CLDN12: variants seen among roughly 807,000 people sequenced by gnomAD.
The protein encoded by CLDN12 is claudin-12.
Under a neutral mutation model 15.5 loss-of-function variants are expected in CLDN12, and 9 were observed. The observed-to-expected ratio is 0.58, with a 90% confidence interval of 0.35 to 1.02. CLDN12 has a LOEUF of 1.02. CLDN12 is among the 50% of genes least tolerant of loss of function. CLDN12 has a pLI of 0.02. For synonymous variants in CLDN12, 140 were observed against 121.6 expected, an observed-to-expected ratio of 1.15 and a Z score of -1.00; for missense variants, 233 against 297.3, an observed-to-expected ratio of 0.78 and a Z score of 1.59.
At chr7:90,405,071 A>G (rs193280673) in intron 1 of CLDN12, among the ~76,000 whole-genome samples, 118 of 151,764 alleles carry the variant, frequency 7.8e-4, no homozygotes, top group African/African-American at 2.8e-3. Context: ...TATTATTATT[A>G]TTATTTTTTG....
chr7:90,412,487 A>T, intron 3 of CLDN12, 157 bp from the exon 4 acceptor site: 1 of 602,056 alleles, frequency 1.7e-6, no homozygotes, highest in East Asian at 2.8e-5. Context: ...ACCTGCATGT[A>T]TATACATTTG....
rs755709686 is a variant in CLDN12, at chr7:90,413,174, G to A, written c.498G>A (p.Glu166=). 7.4e-6 allele frequency: 12 copies of A among 1,614,206 alleles called. No homozygotes were observed. The highest frequency in any genetic ancestry group is 1.1e-5 in the South Asian group (1 of 91,076). Residue 166 remains glutamate, a synonymous_variant, in exon 4 of 4, where the codon GAG becomes GAA. Coordinates refer to ENST00000496677, the MANE Select transcript of CLDN12 (RefSeq NM_001185072.3). ...ACATCCATCTGAACAAGAAGTTTGA[G>A]CCAGTCTTTTCATTTGACTATGCAG... is the stretch of plus-strand genomic sequence containing the variant. ...FYNIHLNKKF[E]PVFSFDYAVY...
At chr7:90,406,574 C>T (rs1796840422) in intron 2 of CLDN12, among the ~76,000 whole-genome samples, 2 of 152,188 alleles carry the variant, frequency 1.3e-5, no homozygotes, top group South Asian at 4.1e-4. Flanking sequence ...TACTGACTTA[C>T]ATTTCTGACC....
chr7:90,415,781 T>G lies in CLDN12; in HGVS notation c.*2370T>G, dbSNP rs1797059890. 6.0e-6 allele frequency: 1 copy of G among 167,078 alleles called. No homozygotes were observed. The highest frequency in any genetic ancestry group is 1.5e-5 in the Non-Finnish European group (1 of 68,108). 10.3% of individuals were successfully genotyped at this position (167,078 alleles called of 1,614,324 possible). On this transcript the variant is annotated 3_prime_UTR_variant, in exon 4 of 4. Coordinates refer to ENST00000496677, the MANE Select transcript of CLDN12 (RefSeq NM_001185072.3). Reference sequence around the variant, plus strand: ...AACCAACTTGGAAAACAACCTTAAATGTGGATGTATCAGATTTGGTTTATC... The same window carrying G: ...AACCAACTTGGAAAACAACCTTAAAGGTGGATGTATCAGATTTGGTTTATC...
intron 2 of CLDN12, among the ~76,000 whole-genome samples, chr7:90,410,995 CA>C (rs910342840): frequency 2.3e-4 from 33 of 142,300 alleles, no homozygotes; most frequent in Admixed American, 2.1e-4. Flanking sequence ...AGACTTGTTT[CA>C]AAAAAAAAAG....
intron 3 of CLDN12, 198 bp from the exon 4 acceptor site, chr7:90,412,446 G>A (rs905321440): frequency 6.2e-6 from 3 of 484,412 alleles, no homozygotes; most frequent in South Asian, 9.4e-5. Context: ...ATAACCAAAT[G>A]TGTGTGCACC....
Position 90,412,820 on chromosome 7 carries a change from G to A in CLDN12, c.144G>A (p.Leu48=). The A allele has an allele frequency of 6.2e-7, 1 of 1,614,212 alleles. No individual in the cohort carries two copies. The highest frequency in any genetic ancestry group is 8.5e-7 in the Non-Finnish European group (1 of 1,180,042). The change falls in exon 4 of 4, where the codon CTG becomes CTA. Residue 48 remains leucine, a synonymous_variant. Transcript: ENST00000496677. ...LITFNRNEKN[L]TVYTGLWVKC... ...CATTCAACAGAAACGAGAAGAACCT[G>A]ACTGTTTACACAGGCCTGTGGGTGA...
Position 90,413,078 on chromosome 7 carries a change from G to C in CLDN12, c.402G>C (p.Leu134=). 2.5e-6 allele frequency: 4 copies of C among 1,614,202 alleles called. No homozygotes were observed. Among genetic ancestry groups the C allele is most frequent in the Non-Finnish European group, 3.4e-6 (4 of 1,180,036 alleles). ...KCLVNSAGCH[L]VAGLLFFLAG... ...TGGTCAATAGTGCAGGTTGCCACCT[G>C]GTGGCTGGGCTGCTATTTTTCCTGG... Residue 134 remains leucine, a synonymous_variant, in exon 4 of 4, where the codon CTG becomes CTC. Transcript: ENST00000496677.
At position 90,414,117 on chromosome 7, in the gene CLDN12, A is replaced by C; in HGVS notation, c.*706A>C. The C allele has an allele frequency of 1.0e-6, 1 of 1,000,206 alleles. No homozygotes were observed. Among genetic ancestry groups the C allele is most frequent in the African/African-American group, 1.7e-5 (1 of 57,370 alleles). 62.0% of individuals were successfully genotyped at this position (1,000,206 alleles called of 1,614,324 possible). A position where few individuals can be genotyped will look rare whatever the true frequency, so the allele number is the denominator to read the frequency against. On this transcript the variant is annotated 3_prime_UTR_variant, in exon 4 of 4. Transcript: ENST00000496677. ...TTGGGATTAGAATGTGCTTTATGAC[A>C]GGTTAGTGTTTCCTCTGAGGCAGAA...
chr7:90,410,603 A>C (rs1395763079), intron 2 of CLDN12, among the ~76,000 whole-genome samples: 1 of 152,178 alleles, frequency 6.6e-6, no homozygotes, highest in Non-Finnish European at 1.5e-5. Context: ...TTTGGAGGCC[A>C]AGGCAGCAAG....
Position 90,413,897 on chromosome 7 carries a change from A to G in CLDN12, c.*486A>G, listed in dbSNP as rs945853582. Reference sequence around the variant, plus strand: ...TCTAGCTTAAGGCTGTAACTCTTCTATCGGGGCTAATTGTATGAATAGGTG... The same window carrying G: ...TCTAGCTTAAGGCTGTAACTCTTCTGTCGGGGCTAATTGTATGAATAGGTG... On this transcript the variant is annotated 3_prime_UTR_variant, in exon 4 of 4. Coordinates refer to ENST00000496677, the MANE Select transcript of CLDN12 (RefSeq NM_001185072.3). 24 of 998,850 alleles carry G rather than the reference A, an allele frequency of 2.4e-5. No individual in the cohort carries two copies. The African/African-American group carries it at 3.1e-4, about 13-fold the overall frequency. 61.9% of individuals were successfully genotyped at this position (998,850 alleles called of 1,614,324 possible).
chr7:90,408,411 G>A (rs555405224), intron 2 of CLDN12, among the ~76,000 whole-genome samples: 1 of 152,164 alleles, frequency 6.6e-6, no homozygotes, highest in African/African-American at 2.4e-5. Context: ...GCTGAGGCAG[G>A]AGGATTACTT....
chr7:90,414,588 TC>T lies in CLDN12; in HGVS notation c.*1179del. 5.6e-6 allele frequency: 1 copy of T among 179,284 alleles called. No individual in the cohort carries two copies. Among genetic ancestry groups the T allele is most frequent in the Non-Finnish European group, 1.3e-5 (1 of 79,286 alleles). The allele number at this position is 179,284 out of a possible 1,614,324, so 11.1% of individuals were successfully genotyped here. On this transcript the variant is annotated 3_prime_UTR_variant, in exon 4 of 4. Transcript: ENST00000496677. ...TTGGCCTTAACTTCTTAATCATTGA[TC>T]CAGGAATATTTCAACCAGAGACACA...
chr7:90,412,890 A>C lies in CLDN12; in HGVS notation c.214A>C (p.Thr72Pro), dbSNP rs1796995439. 6.2e-7 allele frequency: 1 copy of C among 1,614,066 alleles called. No individual in the cohort carries two copies. The highest frequency in any genetic ancestry group is 8.5e-7 in the Non-Finnish European group (1 of 1,180,044). ...GAGCAGTGACTGCCTGATGTACGAC[A>C]CTACTTGGTACTCATCAGTTGACCA... ...DGSSDCLMYD[T>P]TWYSSVDQLD... Residue 72 changes from threonine to proline, a missense_variant, in exon 4 of 4, where the codon ACT becomes CCT. Physicochemically the swap from Thr to Pro is conservative, Grantham distance 38. Transcript: ENST00000496677.
chr7:90,414,042 T>C lies in CLDN12; in HGVS notation c.*631T>C. 2 of 981,580 alleles carry C rather than the reference T, an allele frequency of 2.0e-6. No homozygotes were observed. Among genetic ancestry groups the C allele is most frequent in the Non-Finnish European group, 2.5e-6 (2 of 813,286 alleles). The allele number at this position is 981,580 out of a possible 1,614,324, so 60.8% of individuals were successfully genotyped here. A position where few individuals can be genotyped will look rare whatever the true frequency, so the allele number is the denominator to read the frequency against. On this transcript the variant is annotated 3_prime_UTR_variant, in exon 4 of 4. Coordinates refer to ENST00000496677, the MANE Select transcript of CLDN12 (RefSeq NM_001185072.3). ...TACCATTCTAAATATCACCTACTTA[T>C]GAATAACATGTAATAATTTTTAACA...
chr7:90,412,487 A>G (rs1562969294), intron 3 of CLDN12, 157 bp from the exon 4 acceptor site: 1 of 602,056 alleles, frequency 1.7e-6, no homozygotes, highest in African/African-American at 1.8e-5. Flanking sequence ...ACCTGCATGT[A>G]TATACATTTG....
chr7:90,407,788 G>T (rs2062573918), intron 2 of CLDN12, among the ~76,000 whole-genome samples: 1 of 152,196 alleles, frequency 6.6e-6, no homozygotes, highest in South Asian at 2.1e-4. Context: ...GCAAAGAATA[G>T]GTTGGAATTA....
Position 90,413,512 on chromosome 7 carries a change from CCAAT to C in CLDN12, c.*106_*109del. 6.6e-7 allele frequency: 1 copy of C among 1,510,646 alleles called. No individual in the cohort carries two copies. The highest frequency in any genetic ancestry group is 8.8e-7 in the Non-Finnish European group (1 of 1,132,762). The allele number at this position is 1,510,646 out of a possible 1,614,324, so 93.6% of individuals were successfully genotyped here. On this transcript the variant is annotated 3_prime_UTR_variant, in exon 4 of 4. Coordinates refer to ENST00000496677, the MANE Select transcript of CLDN12 (RefSeq NM_001185072.3). ...TACATACATTTTCCTTTGTTTTTGACCAATCAATGAAGCCAAATTTATATGTCCT... is the reference window on the plus strand; with the variant it reads ...TACATACATTTTCCTTTGTTTTTGACCAATGAAGCCAAATTTATATGTCCT...
At chr7:90,406,052 A>G (rs577858163) in intron 2 of CLDN12, 3 of 152,564 alleles carry the variant, frequency 2.0e-5, no homozygotes, top group South Asian at 2.1e-4. Context: ...GCAGTGAGCC[A>G]TGATTGCACC....
Sources: allele counts gnomAD v4.1 joint callset (sites outside exome capture counted in the v4.1 genomes callset), GRCh38; gene constraint gnomAD v4.1.1; transcripts MANE v1.5; gene names NCBI Gene and HGNC (gene_info 2026-07-23, HGNC 2026-07-21).